Variants in ANO10 observed in about 807,000 individuals in gnomAD.
ANO10 encodes the protein anoctamin 10, also known as anoctamin-10.
In ANO10, 77 loss-of-function variants were observed where a neutral mutation model predicts 74.7. That is an observed-to-expected ratio of 1.03 (90% confidence interval 0.86 to 1.25). ANO10 has a LOEUF of 1.25. Ranked by LOEUF, ANO10 falls within the 50% of genes most tolerant of loss-of-function variation. The pLI is 0.00. For missense variants in ANO10, 721 were observed against 778.1 expected (o/e 0.93, Z 0.87); for synonymous variants, 279 against 284.9 (o/e 0.98, Z 0.21).
intron 1 of ANO10, among the ~76,000 whole-genome samples, chr3:43,679,047 A>G (rs201476622): frequency 5.9e-5 from 9 of 152,144 alleles, no homozygotes; most frequent in African/African-American, 1.9e-4. Flanking sequence ...TGCATTTCCA[A>G]CTGAGGTACC....
At chr3:43,436,181 T>C (rs1398211748) in intron 11 of ANO10, among the ~76,000 whole-genome samples, 1 of 152,136 alleles carries the variant, frequency 6.6e-6, no homozygotes, top group African/African-American at 2.4e-5. Flanking sequence ...ACATTTTCCA[T>C]ACAGCCACTC....
intron 4 of ANO10, among the ~76,000 whole-genome samples, chr3:43,582,357 C>G (rs2081300181): frequency 6.6e-6 from 1 of 151,930 alleles, no homozygotes; most frequent in African/African-American, 2.4e-5. Context: ...GAAGCTGAGA[C>G]AGGAGAATGG....
intron 12 of ANO10, among the ~76,000 whole-genome samples, chr3:43,427,623 A>G (rs574958149): frequency 8.9e-4 from 135 of 152,300 alleles, no homozygotes; most frequent in African/African-American, 3.1e-3. Flanking sequence ...CAATAACTCA[A>G]TTTCTGATCT....
chr3:43,485,821 C>T (rs1559600653), intron 11 of ANO10: 12 of 279,618 alleles, frequency 4.3e-5, no homozygotes, highest in Admixed American at 9.0e-5. Flanking sequence ...TGTGGCATTC[C>T]GGGGTGTGCA....
At chr3:43,567,966 T>TGGAGGAAGAGA (rs1380150077) in intron 7 of ANO10, among the ~76,000 whole-genome samples, 2 of 151,662 alleles carry the variant, frequency 1.3e-5, no homozygotes, top group East Asian at 3.9e-4. Flanking sequence ...ACCCACAGGC[T>TGGAGGAAGAGA]CAAAATAAAA....
chr3:43,366,392 T>G lies in ANO10; in HGVS notation c.*514A>C. 4.8e-6 allele frequency: 1 copy of G among 207,804 alleles called. No individual in the cohort carries two copies. Among genetic ancestry groups the G allele is most frequent in the Non-Finnish European group, 9.9e-6 (1 of 100,942 alleles). 12.9% of individuals were successfully genotyped at this position (207,804 alleles called of 1,614,324 possible). On this transcript the variant is annotated 3_prime_UTR_variant, in exon 13 of 13. Transcript: ENST00000292246. ...TACTATTGTTTATGTTGATAAAGGG[T>G]CTGTTAATGTATTGCAAAAGAGAAC...
chr3:43,554,738 T>A (rs2079654526), intron 10 of ANO10, among the ~76,000 whole-genome samples: 1 of 152,174 alleles, frequency 6.6e-6, no homozygotes. Flanking sequence ...ACTAGACCTC[T>A]ACTGATTCTT....
intron 12 of ANO10, among the ~76,000 whole-genome samples, chr3:43,395,316 G>A (rs868378334): frequency 5.9e-5 from 9 of 152,176 alleles, no homozygotes; most frequent in African/African-American, 1.4e-4. Context: ...TGGATCATAC[G>A]TTTATGGATC....
chr3:43,414,550 GA>G (rs1024862241), intron 12 of ANO10, among the ~76,000 whole-genome samples: 28 of 152,198 alleles, frequency 1.8e-4, no homozygotes, highest in African/African-American at 6.0e-4. Context: ...TTCATTTCTA[GA>G]AATTCATTTA....
intron 4 of ANO10, among the ~76,000 whole-genome samples, chr3:43,592,284 C>T (rs572485907): frequency 5.9e-5 from 9 of 152,232 alleles, no homozygotes; most frequent in Admixed American, 3.9e-4. Context: ...GATCTGAGAA[C>T]GGACAGACTG....
intron 1 of ANO10, among the ~76,000 whole-genome samples, chr3:43,662,429 T>C (rs1196522673): frequency 6.6e-6 from 1 of 152,198 alleles, no homozygotes; most frequent in Non-Finnish European, 1.5e-5. Flanking sequence ...GGGAAATTGA[T>C]ACTACTAAAT....
At chr3:43,659,588 G>A (rs1016316927) in intron 1 of ANO10, among the ~76,000 whole-genome samples, 10 of 152,318 alleles carry the variant, frequency 6.6e-5, no homozygotes, top group Non-Finnish European at 8.8e-5. Flanking sequence ...GGAACTGGGC[G>A]GGGCCCACTG....
At chr3:43,609,293 T>C (rs534886481) in intron 1 of ANO10, among the ~76,000 whole-genome samples, 2 of 152,318 alleles carry the variant, frequency 1.3e-5, no homozygotes, top group South Asian at 4.1e-4. Flanking sequence ...TTATCTACCA[T>C]ACAACTCTGT....
intron 11 of ANO10, among the ~76,000 whole-genome samples, chr3:43,460,685 A>C (rs184598275): frequency 2.0e-5 from 3 of 152,356 alleles, no homozygotes; most frequent in Admixed American, 1.3e-4. Flanking sequence ...CTTCATGAAG[A>C]AAATCAGACA....
chr3:43,399,858 T>G (rs1190661970), intron 12 of ANO10, among the ~76,000 whole-genome samples: 1 of 152,120 alleles, frequency 6.6e-6, no homozygotes, highest in Non-Finnish European at 1.5e-5. Flanking sequence ...CCAGAATAAC[T>G]TGGAGATCCC....
intron 1 of ANO10, among the ~76,000 whole-genome samples, chr3:43,632,854 G>A (rs2083563354): frequency 1.3e-5 from 2 of 152,200 alleles, no homozygotes; most frequent in South Asian, 4.1e-4. Context: ...TAGTTTAGAT[G>A]TGAACATTTA....
intron 1 of ANO10, among the ~76,000 whole-genome samples, chr3:43,616,471 C>T (rs1411142585): frequency 1.3e-5 from 2 of 152,190 alleles, no homozygotes; most frequent in Admixed American, 6.5e-5. Flanking sequence ...CATGCTGCAG[C>T]TCAATAATAA....
Position 43,574,877 on chromosome 3 carries a change from AAC to A in ANO10, c.1163-15_1163-14del. 1 of 1,611,802 alleles carries A rather than the reference AAC, an allele frequency of 6.2e-7. No individual in the cohort carries two copies. The highest frequency in any genetic ancestry group is 2.2e-5 in the East Asian group (1 of 44,836). The stretch of plus-strand genomic sequence containing the variant: ...AATCTGTGATTCTCTAAAACATTAA[AAC>A]ACACAGGTAACTTCTCAGTAAGAAA... On this transcript the variant is annotated splice_polypyrimidine_tract_variant and intron_variant, in intron 6 of 12. Coordinates refer to ENST00000292246, the MANE Select transcript of ANO10 (RefSeq NM_018075.5).
rs535265249 is a variant in ANO10 at position 43,609,745 on chromosome 3, G to A, written c.-11-3882C>T. Among the ~76,000 whole-genome samples, 194 of 152,272 alleles carry A rather than the reference G, an allele frequency of 1.3e-3. 1 individual carries two copies. The highest frequency in any genetic ancestry group is 4.5e-3 in the African/African-American group (186 of 41,542). ...ACAGCATGTTACTGCACTGAATCCT[G>A]TAGGCAATTGTAACACAATAATATG... On this transcript the variant is annotated intron_variant, in intron 1 of 12. Coordinates refer to ENST00000292246, the MANE Select transcript of ANO10 (RefSeq NM_018075.5).
Sources: allele counts gnomAD v4.1 joint callset (sites outside exome capture counted in the v4.1 genomes callset), GRCh38; gene constraint gnomAD v4.1.1; transcripts MANE v1.5; gene names NCBI Gene and HGNC (gene_info 2026-07-23, HGNC 2026-07-21).